The following ST6GALNAC5 variants were observed in gnomAD, a reference collection of about 807,000 sequenced individuals.
ST6GALNAC5 encodes ST6 N-acetylgalactosaminide alpha-2,6-sialyltransferase 5.
Under a neutral mutation model 33.6 loss-of-function variants are expected in ST6GALNAC5, and 27 were observed. The ratio of observed to expected loss-of-function variants is 0.80; its 90% CI spans 0.59 to 1.11. ST6GALNAC5 has a LOEUF of 1.11. Among genes scored for constraint, ST6GALNAC5 ranks in the 50% least tolerant of loss-of-function variants. The pLI is 0.00. For synonymous variants in ST6GALNAC5, 194 were observed against 171.2 expected (o/e 1.13, Z -1.04); for missense variants, 428 against 454.0 (o/e 0.94, Z 0.52).
chr1:77,034,280 A>C (rs978680002), intron 2 of ST6GALNAC5, among the ~76,000 whole-genome samples: 1 of 151,734 alleles, frequency 6.6e-6, no homozygotes, highest in Non-Finnish European at 1.5e-5. Flanking sequence ...GCATCACCCC[A>C]ATCTCTGCCT....
chr1:76,967,888 G>A (rs139327323), intron 2 of ST6GALNAC5, among the ~76,000 whole-genome samples: 3,188 of 152,220 alleles, frequency 0.021, 46 homozygotes, highest in Middle Eastern at 0.044. Flanking sequence ...GTAGTTGTGC[G>A]GTTTTGAGTG....
At chr1:76,996,323 A>C (rs1328894606) in intron 2 of ST6GALNAC5, among the ~76,000 whole-genome samples, 1 of 152,236 alleles carries the variant, frequency 6.6e-6, no homozygotes, top group African/African-American at 2.4e-5. Context: ...CTTGTCCCTC[A>C]CAACAGAGAT....
chr1:76,981,939 C>G (rs1378388216), intron 2 of ST6GALNAC5, among the ~76,000 whole-genome samples: 5 of 152,166 alleles, frequency 3.3e-5, no homozygotes, highest in Non-Finnish European at 7.3e-5. Flanking sequence ...AGAAGGAAAA[C>G]TAATGAGCAG....
chr1:76,883,208 T>C (rs1000575839), intron 2 of ST6GALNAC5, among the ~76,000 whole-genome samples: 24 of 152,174 alleles, frequency 1.6e-4, no homozygotes, highest in Admixed American at 9.8e-4. Context: ...TTACTATACC[T>C]TGGTAAGTGC....
intron 2 of ST6GALNAC5, among the ~76,000 whole-genome samples, chr1:76,913,465 T>C (rs1646935168): frequency 1.3e-5 from 2 of 152,094 alleles, no homozygotes; most frequent in African/African-American, 4.8e-5. Context: ...AATGTTGGCC[T>C]GCCTTGCTAG....
At position 77,066,345 on chromosome 1, in the gene ST6GALNAC5, C is replaced by A. The variant is rs1652778207; in HGVS notation, c.*3139C>A. Among the ~76,000 whole-genome samples, 1 of 152,022 alleles carries A rather than the reference C, an allele frequency of 6.6e-6. No individual in the cohort carries two copies. The highest frequency in any genetic ancestry group is 2.4e-5 in the African/African-American group (1 of 41,402). Reference sequence around the variant, plus strand: ...TCTCTCACAATCCTTAGGTTACTACCAGATTTGTGTATCCTTTGTTTTCTG... The same window carrying A: ...TCTCTCACAATCCTTAGGTTACTACAAGATTTGTGTATCCTTTGTTTTCTG... On this transcript the variant is annotated 3_prime_UTR_variant, in exon 5 of 5. Coordinates refer to ENST00000477717, the MANE Select transcript of ST6GALNAC5 (RefSeq NM_030965.3).
intron 2 of ST6GALNAC5, among the ~76,000 whole-genome samples, chr1:76,988,672 A>G (rs1306115414): frequency 6.6e-6 from 1 of 152,088 alleles, no homozygotes; most frequent in African/African-American, 2.4e-5. Context: ...GTTTTAAATT[A>G]AACAGTAAAC....
intron 2 of ST6GALNAC5, among the ~76,000 whole-genome samples, chr1:76,977,323 T>C (rs2100375101): frequency 6.6e-6 from 1 of 152,312 alleles, no homozygotes; most frequent in South Asian, 2.1e-4. Context: ...GGAAATATCA[T>C]ACAAAATCTT....
intron 2 of ST6GALNAC5, among the ~76,000 whole-genome samples, chr1:77,038,367 C>T (rs1022185045): frequency 1.3e-5 from 2 of 152,164 alleles, no homozygotes; most frequent in Non-Finnish European, 2.9e-5. Context: ...TAATAAAAAG[C>T]ACAGTAATTA....
At chr1:76,896,599 G>T (rs1482156923) in intron 2 of ST6GALNAC5, among the ~76,000 whole-genome samples, 1 of 151,972 alleles carries the variant, frequency 6.6e-6, no homozygotes, top group Non-Finnish European at 1.5e-5. Context: ...AAATGAGGTG[G>T]ATCAGAGAGA....
chr1:76,896,279 G>T (rs989901100), intron 2 of ST6GALNAC5, among the ~76,000 whole-genome samples: 3 of 152,112 alleles, frequency 2.0e-5, no homozygotes, highest in African/African-American at 7.2e-5. Flanking sequence ...TCTGACATGG[G>T]GAATGTTGAG....
intron 2 of ST6GALNAC5, among the ~76,000 whole-genome samples, chr1:76,973,910 A>ATTGAT (rs78541791): frequency 0.55 from 83,121 of 151,340 alleles, 23,998 homozygotes; most frequent in African/African-American, 0.74. Flanking sequence ...TTCTGTTTGG[A>ATTGAT]TTATTAGCCT....
At chr1:77,023,058 G>T (rs1331949788) in intron 2 of ST6GALNAC5, among the ~76,000 whole-genome samples, 1 of 152,202 alleles carries the variant, frequency 6.6e-6, no homozygotes, top group African/African-American at 2.4e-5. Flanking sequence ...CTTATGAGAA[G>T]AGGTTGGGAC....
intron 2 of ST6GALNAC5, among the ~76,000 whole-genome samples, chr1:76,912,167 T>G (rs560860258): frequency 6.6e-6 from 1 of 152,298 alleles, no homozygotes; most frequent in South Asian, 2.1e-4. Context: ...TATTTCTGCC[T>G]TCATTTCGTT....
chr1:76,923,112 C>G (rs939551096), intron 2 of ST6GALNAC5, among the ~76,000 whole-genome samples: 5 of 151,994 alleles, frequency 3.3e-5, no homozygotes, highest in African/African-American at 1.2e-4. Context: ...TCAACTGGAT[C>G]AGTGTCAGTA....
At chr1:76,955,099 C>T (rs952667014) in intron 2 of ST6GALNAC5, among the ~76,000 whole-genome samples, 3 of 151,948 alleles carry the variant, frequency 2.0e-5, no homozygotes, top group African/African-American at 4.8e-5. Flanking sequence ...TTGTGAAAAG[C>T]GGCATGAAGG....
intron 2 of ST6GALNAC5, among the ~76,000 whole-genome samples, chr1:76,896,186 A>T (rs912262038): frequency 3.3e-5 from 5 of 152,194 alleles, no homozygotes; most frequent in Non-Finnish European, 7.3e-5. Context: ...AGAAATGACT[A>T]TGGTGGCCTT....
intron 2 of ST6GALNAC5, among the ~76,000 whole-genome samples, chr1:77,017,625 T>C (rs971324010): frequency 6.6e-6 from 1 of 152,240 alleles, no homozygotes; most frequent in African/African-American, 2.4e-5. Context: ...GCTCCTCATT[T>C]TGAAATGTTG....
intron 4 of ST6GALNAC5, among the ~76,000 whole-genome samples, chr1:77,054,038 A>C (rs1349543705): frequency 6.6e-6 from 1 of 152,182 alleles, no homozygotes; most frequent in Admixed American, 6.5e-5. Context: ...TACCCTCAAA[A>C]AAGTCACTAA....
Sources: gnomAD v4.1 joint callset for allele counts (sites outside exome capture counted in the v4.1 genomes callset) on GRCh38, gnomAD v4.1.1 for gene constraint, MANE v1.5 for transcripts, NCBI Gene and HGNC (gene_info 2026-07-23, HGNC 2026-07-21) for gene names.